The following CACNG3 variants were observed in gnomAD, a reference collection of about 807,000 sequenced individuals.
The protein encoded by CACNG3 is voltage-dependent calcium channel gamma-3 subunit.
Under a neutral mutation model 28.5 loss-of-function variants are expected in CACNG3, and 3 were observed. That is an observed-to-expected ratio of 0.11 (90% confidence interval 0.05 to 0.27). CACNG3 has a LOEUF of 0.27. Ranked by LOEUF, CACNG3 falls within the 10% of genes least tolerant of loss-of-function variation. CACNG3 has a pLI of 1.00. For missense variants in CACNG3, 236 were observed against 414.4 expected (o/e 0.57, Z 3.74); for synonymous variants, 174 against 162.2 (o/e 1.07, Z -0.55).
At chr16:24,281,862 G>A (rs1716145239) in intron 1 of CACNG3, among the ~76,000 whole-genome samples, 1 of 152,164 alleles carries the variant, frequency 6.6e-6, no homozygotes, top group Admixed American at 6.5e-5. Context: ...CAAAACTATA[G>A]CAAGATTAAC....
At chr16:24,340,080 A>T (rs1899763387) in intron 1 of CACNG3, among the ~76,000 whole-genome samples, 1 of 152,112 alleles carries the variant, frequency 6.6e-6, no homozygotes, top group East Asian at 1.9e-4. Context: ...GATCTGCCTG[A>T]GCAACATGGC....
Position 24,346,781 on chromosome 16 carries a change from G to T in CACNG3, c.259G>T (p.Ala87Ser), listed in dbSNP as rs756163536. ...GAAAATCGATCACTTCCCTGAAGATGCTGACTACGAACAGGACACAGCCGA... is the reference window on the plus strand; with the variant it reads ...GAAAATCGATCACTTCCCTGAAGATTCTGACTACGAACAGGACACAGCCGA... ...CKKIDHFPEDADYEQDTAEYL... is the reference protein window; with the variant it reads ...CKKIDHFPEDSDYEQDTAEYL... Residue 87 changes from alanine to serine, a missense_variant, in exon 2 of 4, where the codon GCT (alanine) becomes TCT (serine). Coordinates refer to ENST00000005284, the MANE Select transcript of CACNG3 (RefSeq NM_006539.4). 6.2e-7 allele frequency: 1 copy of T among 1,614,032 alleles called. No individual in the cohort carries two copies. The highest frequency in any genetic ancestry group is 1.3e-5 in the African/African-American group (1 of 74,924).
intron 1 of CACNG3, among the ~76,000 whole-genome samples, chr16:24,275,727 A>G (rs1288969120): frequency 6.6e-6 from 1 of 152,222 alleles, no homozygotes. Flanking sequence ...AGTGATAATT[A>G]TGATTTTGGA....
At chr16:24,286,205 T>A (rs766925897) in intron 1 of CACNG3, among the ~76,000 whole-genome samples, 4 of 152,170 alleles carry the variant, frequency 2.6e-5, no homozygotes, top group Non-Finnish European at 4.4e-5. Flanking sequence ...GCTGTCATTG[T>A]CATTCTTGTC....
At chr16:24,309,550 T>C (rs539077177) in intron 1 of CACNG3, among the ~76,000 whole-genome samples, 4 of 152,312 alleles carry the variant, frequency 2.6e-5, no homozygotes, top group South Asian at 2.1e-4. Context: ...ACAATGCCTA[T>C]TGAGTGAGCA....
chr16:24,284,212 G>C lies in CACNG3; in HGVS notation c.211+27247G>C, dbSNP rs142851653. Among the ~76,000 whole-genome samples, 951 of 152,234 alleles carry C rather than the reference G, an allele frequency of 6.2e-3. 38 individuals carry two copies. The highest frequency in any genetic ancestry group is 0.057 in the Admixed American group (877 of 15,282). On this transcript the variant is annotated intron_variant, in intron 1 of 3. Coordinates refer to ENST00000005284, the MANE Select transcript of CACNG3 (RefSeq NM_006539.4). ...TGTCAATGAAATTTTCCTGTGGTTT[G>C]TCTTTTGTGTGTTATTTTTGTTAAG... is the stretch of plus-strand genomic sequence containing the variant.
chr16:24,257,602 G>GA (rs759660662), intron 1 of CACNG3, among the ~76,000 whole-genome samples: 3 of 151,970 alleles, frequency 2.0e-5, no homozygotes, highest in Admixed American at 6.5e-5. Context: ...CACATTTTAA[G>GA]AAAAAATCCT....
chr16:24,278,584 C>A (rs970842399), intron 1 of CACNG3, among the ~76,000 whole-genome samples: 4 of 152,008 alleles, frequency 2.6e-5, no homozygotes, highest in Non-Finnish European at 5.9e-5. Flanking sequence ...CCACTGCACT[C>A]CAGCCTGGCG....
At chr16:24,322,649 A>G (rs1476015647) in intron 1 of CACNG3, among the ~76,000 whole-genome samples, 2 of 151,976 alleles carry the variant, frequency 1.3e-5, no homozygotes, top group Non-Finnish European at 2.9e-5. Context: ...TGTAAGAAGC[A>G]AAAGTTTTTC....
intron 1 of CACNG3, among the ~76,000 whole-genome samples, chr16:24,266,544 A>G (rs1475216812): frequency 6.6e-6 from 1 of 152,220 alleles, no homozygotes; most frequent in East Asian, 1.9e-4. Context: ...GAAGAAAAAG[A>G]GGGAAAACGA....
chr16:24,315,215 T>A (rs1899331944), intron 1 of CACNG3, among the ~76,000 whole-genome samples: 1 of 152,186 alleles, frequency 6.6e-6, no homozygotes, highest in African/African-American at 2.4e-5. Context: ...CATAGTGTCC[T>A]ACTGCCAACT....
chr16:24,300,345 G>C (rs956077463), intron 1 of CACNG3, among the ~76,000 whole-genome samples: 1 of 152,096 alleles, frequency 6.6e-6, no homozygotes, highest in African/African-American at 2.4e-5. Flanking sequence ...GGCAGGTTAC[G>C]CGTGTGAGAA....
At chr16:24,281,918 TAG>T (rs1453242401) in intron 1 of CACNG3, among the ~76,000 whole-genome samples, 1 of 152,102 alleles carries the variant, frequency 6.6e-6, no homozygotes, top group African/African-American at 2.4e-5. Flanking sequence ...AACCAAGGTG[TAG>T]AGAGAGGTGA....
At chr16:24,323,770 C>T (rs1231003631) in intron 1 of CACNG3, among the ~76,000 whole-genome samples, 1 of 152,162 alleles carries the variant, frequency 6.6e-6, no homozygotes, top group Non-Finnish European at 1.5e-5. Flanking sequence ...CAGCACCTTA[C>T]CAGATGTCCT....
At chr16:24,303,621 G>C (rs1899143376) in intron 1 of CACNG3, among the ~76,000 whole-genome samples, 1 of 150,100 alleles carries the variant, frequency 6.7e-6, no homozygotes, top group South Asian at 2.1e-4. Context: ...CCTTGTTTCT[G>C]TATTTGCTTG....
At chr16:24,296,211 C>A (rs1899030567) in intron 1 of CACNG3, among the ~76,000 whole-genome samples, 1 of 152,214 alleles carries the variant, frequency 6.6e-6, no homozygotes, top group South Asian at 2.1e-4. Flanking sequence ...TTCTGCCACC[C>A]TCAGGGTGAC....
chr16:24,320,149 T>C (rs753942238), intron 1 of CACNG3, among the ~76,000 whole-genome samples: 2 of 152,188 alleles, frequency 1.3e-5, no homozygotes, highest in Non-Finnish European at 1.5e-5. Flanking sequence ...GAGAAAAGCA[T>C]AAAAACTGGG....
At chr16:24,267,245 T>C (rs1240303058) in intron 1 of CACNG3, among the ~76,000 whole-genome samples, 1 of 152,074 alleles carries the variant, frequency 6.6e-6, no homozygotes, top group Non-Finnish European at 1.5e-5. Flanking sequence ...GGATTACAGG[T>C]TTGAGCCACC....
chr16:24,267,380 T>C (rs1898626529), intron 1 of CACNG3, among the ~76,000 whole-genome samples: 2 of 152,092 alleles, frequency 1.3e-5, no homozygotes, highest in Non-Finnish European at 2.9e-5. Flanking sequence ...CTCGACCTCC[T>C]GGGCTCAAGG....
Sources: allele counts gnomAD v4.1 joint callset (sites outside exome capture counted in the v4.1 genomes callset), GRCh38; gene constraint gnomAD v4.1.1; transcripts MANE v1.5; gene names NCBI Gene and HGNC (gene_info 2026-07-23, HGNC 2026-07-21).